EXOC4: variants seen among roughly 807,000 people sequenced by gnomAD.
The protein encoded by EXOC4 is exocyst complex component 4, also known as SEC8-like 1.
Under a neutral mutation model 107.2 loss-of-function variants are expected in EXOC4, and 71 were observed. The observed-to-expected ratio is 0.66, with a 90% CI of 0.55 to 0.81. The LOEUF is 0.81. EXOC4 is among the 30% of genes least tolerant of loss of function. The probability of loss-of-function intolerance (pLI) is 0.00; values close to 1 mark genes in which losing one functional copy is unlikely to be tolerated. For synonymous variants in EXOC4, 456 were observed against 441.2 expected (o/e 1.03, Z -0.42); for missense variants, 1,108 against 1,189.6 (o/e 0.93, Z 1.01).
At chr7:133,444,197 A>G (rs915518177) in intron 7 of EXOC4, among the ~76,000 whole-genome samples, 13 of 152,188 alleles carry the variant, frequency 8.5e-5, no homozygotes, top group Non-Finnish European at 2.9e-5. Context: ...TTCAGTCCAA[A>G]GGGGCAAGAG....
chr7:133,898,955 A>T (rs1403577667), intron 12 of EXOC4, among the ~76,000 whole-genome samples: 1 of 150,828 alleles, frequency 6.6e-6, no homozygotes, highest in Non-Finnish European at 1.5e-5. Context: ...TCCAGACTGG[A>T]TGACAGAGTG....
At chr7:134,068,150 C>T (rs1043939127), downstream of EXOC4, among the ~76,000 whole-genome samples, 1 of 152,196 alleles carries the variant, frequency 6.6e-6, no homozygotes, top group African/African-American at 2.4e-5. Context: ...CTTGACACCA[C>T]ACTGGAAACC....
chr7:133,553,334 C>T (rs984381800), intron 9 of EXOC4, among the ~76,000 whole-genome samples: 1 of 152,114 alleles, frequency 6.6e-6, no homozygotes, highest in Non-Finnish European at 1.5e-5. Context: ...AAATCAATTC[C>T]GTCTCTTGCT....
At chr7:133,518,561 A>T (rs1227900631) in intron 9 of EXOC4, among the ~76,000 whole-genome samples, 1 of 152,136 alleles carries the variant, frequency 6.6e-6, no homozygotes, top group Non-Finnish European at 1.5e-5. Context: ...TAGCAGCATC[A>T]TTCACATTAG....
At chr7:133,574,318 TAC>T (rs1401146419) in intron 9 of EXOC4, among the ~76,000 whole-genome samples, 1 of 152,180 alleles carries the variant, frequency 6.6e-6, no homozygotes, top group East Asian at 1.9e-4. Context: ...TGTTTACACA[TAC>T]ACCAAAATGC....
chr7:134,022,897 A>G (rs1263240806), intron 17 of EXOC4, among the ~76,000 whole-genome samples: 1 of 152,204 alleles, frequency 6.6e-6, no homozygotes, highest in Non-Finnish European at 1.5e-5. Flanking sequence ...TATTTTGTCT[A>G]ATCTCTCTTG....
chr7:133,492,855 G>A (rs4236643), intron 9 of EXOC4, among the ~76,000 whole-genome samples: 151,227 of 151,968 alleles, frequency 1, 75,253 homozygotes, highest in East Asian at 1. Flanking sequence ...AAGAAGGTAA[G>A]TGATTTTTTT....
intron 7 of EXOC4, among the ~76,000 whole-genome samples, chr7:133,418,388 G>A (rs1013853006): frequency 2.6e-5 from 4 of 152,144 alleles, no homozygotes; most frequent in Non-Finnish European, 2.9e-5. Context: ...TGGAGAATAC[G>A]GAATAATCAG....
intron 6 of EXOC4, among the ~76,000 whole-genome samples, chr7:133,365,237 G>A (rs1271543518): frequency 6.6e-6 from 1 of 152,130 alleles, no homozygotes; most frequent in Non-Finnish European, 1.5e-5. Context: ...GAACAACAAA[G>A]CACTAAGAAT....
chr7:133,320,008 A>G (rs1261155818), intron 5 of EXOC4, among the ~76,000 whole-genome samples: 1 of 152,106 alleles, frequency 6.6e-6, no homozygotes, highest in Non-Finnish European at 1.5e-5. Flanking sequence ...CAATTTTATA[A>G]CAATTTATTA....
chr7:133,463,515 T>G (rs763198629), intron 7 of EXOC4, among the ~76,000 whole-genome samples: 8 of 152,180 alleles, frequency 5.3e-5, no homozygotes, highest in Non-Finnish European at 8.8e-5. Context: ...TTGGGAATCA[T>G]TCAAAATGTA....
At chr7:133,961,554 G>A (rs1800945836) in intron 14 of EXOC4, among the ~76,000 whole-genome samples, 1 of 152,110 alleles carries the variant, frequency 6.6e-6, no homozygotes. Flanking sequence ...GTCTCCCAAA[G>A]TGCTGGGATA....
intron 10 of EXOC4, among the ~76,000 whole-genome samples, chr7:133,715,927 G>C (rs1239469745): frequency 6.6e-6 from 1 of 152,078 alleles, no homozygotes; most frequent in African/African-American, 2.4e-5. Context: ...GAATGTTACT[G>C]TCAAATTGCT....
chr7:133,824,769 T>C (rs1563015578), intron 11 of EXOC4, among the ~76,000 whole-genome samples: 1 of 152,140 alleles, frequency 6.6e-6, no homozygotes, highest in Non-Finnish European at 1.5e-5. Context: ...GCAATCTCTG[T>C]CTCTATCGTA....
intron 17 of EXOC4, among the ~76,000 whole-genome samples, chr7:134,043,836 CTG>C (rs1795583178): frequency 6.6e-6 from 1 of 152,178 alleles, no homozygotes; most frequent in South Asian, 2.1e-4. Flanking sequence ...AGGGCAGTCT[CTG>C]TGTAGAGAAG....
At chr7:133,870,205 G>A (rs1798723276) in intron 11 of EXOC4, among the ~76,000 whole-genome samples, 1 of 152,086 alleles carries the variant, frequency 6.6e-6, no homozygotes. Context: ...GAAAAAGGCA[G>A]CAGGTTTTCC....
intron 11 of EXOC4, among the ~76,000 whole-genome samples, chr7:133,833,236 T>C (rs571658306): frequency 6.9e-6 from 1 of 144,350 alleles, no homozygotes; most frequent in Admixed American, 7.2e-5. Context: ...GAATAATCAG[T>C]CCCTGAGAAG....
chr7:133,777,316 AGAGAG>A (rs1354546373), intron 10 of EXOC4, among the ~76,000 whole-genome samples: 11 of 104,514 alleles, frequency 1.1e-4, no homozygotes, highest in African/African-American at 2.0e-4. Flanking sequence ...AGAGAGAGAG[AGAGAG>A]AATATATATA....
At chr7:133,887,941 A>G (rs1799122041) in intron 11 of EXOC4, among the ~76,000 whole-genome samples, 2 of 152,320 alleles carry the variant, frequency 1.3e-5, no homozygotes, top group East Asian at 3.9e-4. Context: ...ATTATGGATC[A>G]GGGTGAAGCT....
Sources: gnomAD v4.1 joint callset for allele counts (sites outside exome capture counted in the v4.1 genomes callset) on GRCh38, gnomAD v4.1.1 for gene constraint, MANE v1.5 for transcripts, NCBI Gene and HGNC (gene_info 2026-07-23, HGNC 2026-07-21) for gene names.